TBC1D30: variants seen among roughly 807,000 people sequenced by gnomAD.
TBC1D30 encodes the protein TBC1 domain family, member 30.
A neutral mutation model predicts 63.2 loss-of-function variants in TBC1D30; 31 were observed. The ratio of observed to expected loss-of-function variants is 0.49; its 90% CI spans 0.37 to 0.66. TBC1D30 has a LOEUF of 0.66. TBC1D30 is among the 30% of genes least tolerant of loss of function. TBC1D30 has a pLI of 0.00. For synonymous variants in TBC1D30, 307 were observed against 361.5 expected (o/e 0.85, Z 1.71); for missense variants, 810 against 953.6 (o/e 0.85, Z 1.98).
intron 11 of TBC1D30, among the ~76,000 whole-genome samples, chr12:64,872,696 A>G (rs1225407480): frequency 6.6e-6 from 1 of 152,210 alleles, no homozygotes. Context: ...CACTGCAAAT[A>G]AAGACATACC....
At chr12:64,802,969 G>A (rs539195013) in intron 2 of TBC1D30, among the ~76,000 whole-genome samples, 39 of 152,310 alleles carry the variant, frequency 2.6e-4, no homozygotes, top group African/African-American at 9.1e-4. Flanking sequence ...GTGTGCATGT[G>A]TCTTTATAGC....
At chr12:64,836,882 T>C (rs1355036578) in intron 6 of TBC1D30, among the ~76,000 whole-genome samples, 1 of 152,228 alleles carries the variant, frequency 6.6e-6, no homozygotes, top group African/African-American at 2.4e-5. Flanking sequence ...AAGAGCCTAA[T>C]ACTAGTACCA....
chr12:64,800,266 A>G (rs938927175), intron 2 of TBC1D30, among the ~76,000 whole-genome samples: 5 of 152,206 alleles, frequency 3.3e-5, no homozygotes, highest in African/African-American at 9.7e-5. Flanking sequence ...ATACAAAACT[A>G]GAGGCTGGAG....
At chr12:64,786,125 T>A (rs1050817626) in intron 2 of TBC1D30, 2 of 1,108,916 alleles carry the variant, frequency 1.8e-6, no homozygotes, top group African/African-American at 3.3e-5. Context: ...TCTGTGTTTG[T>A]GAATATATTG....
intron 8 of TBC1D30, among the ~76,000 whole-genome samples, chr12:64,861,658 G>A (rs900545673): frequency 6.6e-6 from 1 of 152,106 alleles, no homozygotes; most frequent in African/African-American, 2.4e-5. Context: ...AAAGAAACTG[G>A]AGGAATGCTG....
chr12:64,843,533 G>C, intron 8 of TBC1D30, 48 bp downstream of exon 8: 1 of 1,437,688 alleles, frequency 7.0e-7, no homozygotes, highest in Non-Finnish European at 9.4e-7. Context: ...CCCGGGCACG[G>C]TGGGAACAAC....
At chr12:64,781,068 A>G (rs1186145166) in exon 1 of TBC1D30, 11 of 1,016,250 alleles carry the variant, frequency 1.1e-5, no homozygotes, top group African/African-American at 1.7e-5. Flanking sequence ...GGGCTGCTCA[A>G]CGAGCTGTAC....
intron 1 of TBC1D30, among the ~76,000 whole-genome samples, chr12:64,782,010 G>A (rs1871322462): frequency 6.6e-6 from 1 of 151,990 alleles, no homozygotes; most frequent in South Asian, 2.1e-4. Flanking sequence ...TTCAGGGAGA[G>A]AGGCTAATTT....
chr12:64,821,099 C>CT, upstream of TBC1D30, among the ~76,000 whole-genome samples: 2 of 152,286 alleles, frequency 1.3e-5, 1 homozygote, highest in South Asian at 4.1e-4. Context: ...AAAGAGAGGT[C>CT]TTTTTATCAG....
At chr12:64,808,726 A>G (rs1424477720) in intron 2 of TBC1D30, among the ~76,000 whole-genome samples, 3 of 152,156 alleles carry the variant, frequency 2.0e-5, no homozygotes, top group Non-Finnish European at 4.4e-5. Flanking sequence ...CCTATTAAAC[A>G]GTAATTCCCC....
chr12:64,872,729 G>T (rs773039729), intron 11 of TBC1D30, among the ~76,000 whole-genome samples: 1 of 152,174 alleles, frequency 6.6e-6, no homozygotes, highest in Non-Finnish European at 1.5e-5. Flanking sequence ...ATTTATAAGA[G>T]GCTTAATGGA....
chr12:64,811,020 G>A (rs184052715), intron 2 of TBC1D30, among the ~76,000 whole-genome samples: 1 of 152,324 alleles, frequency 6.6e-6, no homozygotes, highest in Admixed American at 6.5e-5. Flanking sequence ...GCAGGATAGA[G>A]GAGGCATTCT....
chr12:64,837,849 G>C (rs1307520429), intron 6 of TBC1D30, among the ~76,000 whole-genome samples: 1 of 152,142 alleles, frequency 6.6e-6, no homozygotes, highest in Non-Finnish European at 1.5e-5. Context: ...CAAGTGCCTT[G>C]CACTTGGCTG....
At chr12:64,759,673 G>C (rs376236399) in intron 1 of TBC1D30, 119 of 210,258 alleles carry the variant, frequency 5.7e-4, no homozygotes, top group African/African-American at 2.6e-3. Flanking sequence ...GCGCAGGCTC[G>C]GGTTGCGTTC....
chr12:64,762,069 T>C (rs1870537840), intron 1 of TBC1D30, among the ~76,000 whole-genome samples: 1 of 152,242 alleles, frequency 6.6e-6, no homozygotes, highest in Admixed American at 6.5e-5. Flanking sequence ...GGTGGGAGGC[T>C]GATTTAGTCT....
intron 1 of TBC1D30, among the ~76,000 whole-genome samples, 186 bp from the exon 2 acceptor site, chr12:64,827,649 G>A (rs56916115): frequency 0.03 from 4,598 of 152,110 alleles, 212 homozygotes; most frequent in African/African-American, 0.11. Flanking sequence ...TTCTATTGCT[G>A]TAGGGTATTT....
At chr12:64,782,221 T>C (rs1399739926) in intron 1 of TBC1D30, among the ~76,000 whole-genome samples, 1 of 152,038 alleles carries the variant, frequency 6.6e-6, no homozygotes. Context: ...CCATAACATT[T>C]CTTGACAGTA....
intron 2 of TBC1D30, among the ~76,000 whole-genome samples, chr12:64,813,435 A>G (rs1873339970): frequency 6.6e-6 from 1 of 152,188 alleles, no homozygotes; most frequent in Non-Finnish European, 1.5e-5. Flanking sequence ...CCTATGAAAT[A>G]GGCACTTTTG....
In TBC1D30 at chr12:64,843,481, T is replaced by C. The variant is rs1876084076; in HGVS notation, c.1034T>C (p.Met345Thr). 1 of 1,535,888 alleles carries C rather than the reference T, an allele frequency of 6.5e-7. No individual in the cohort carries two copies. Among genetic ancestry groups the C allele is most frequent in the Non-Finnish European group, 8.7e-7 (1 of 1,146,706 alleles). ...GATCTTCTGCAAAGCCATGAACTCA[T>C]GCAGGTGAGTCGGCAACATGGAGCA... ...ENDLLQSHEL[M>T]QTVYSMAPFP... The change falls in exon 8 of 12, where the codon ATG becomes ACG. Residue 345 changes from methionine to threonine, a missense_variant. Coordinates refer to ENST00000539867, the MANE Select transcript of TBC1D30 (RefSeq NM_015279.2).
Sources: gnomAD v4.1 joint callset for allele counts (sites outside exome capture counted in the v4.1 genomes callset) on GRCh38, gnomAD v4.1.1 for gene constraint, MANE v1.5 for transcripts, NCBI Gene and HGNC (gene_info 2026-07-23, HGNC 2026-07-21) for gene names.